Variants in CASQ2 observed in about 807,000 individuals in gnomAD.
CASQ2 encodes the protein calsequestrin 2, also known as calsequestrin-2.
CASQ2 carries 49 observed loss-of-function variants against 46.5 expected under a neutral mutation model. The ratio of observed to expected loss-of-function variants is 1.05; its 90% CI spans 0.84 to 1.34. The LOEUF is 1.34. Among genes scored for constraint, CASQ2 ranks in the 40% most tolerant of loss-of-function variants. The probability of loss-of-function intolerance (pLI) is 0.00; values close to 1 mark genes in which losing one functional copy is unlikely to be tolerated. For synonymous variants in CASQ2, 174 were observed against 168.5 expected (o/e 1.03, Z -0.25); for missense variants, 486 against 481.3 (o/e 1.01, Z -0.09).
intron 7 of CASQ2, among the ~76,000 whole-genome samples, chr1:115,720,653 C>A (rs1364702870): frequency 6.6e-6 from 1 of 152,164 alleles, no homozygotes; most frequent in Admixed American, 6.5e-5. Context: ...TGCAAGATTT[C>A]CCAAAGAACC....
intron 1 of CASQ2, among the ~76,000 whole-genome samples, chr1:115,748,274 C>A (rs1015410647): frequency 6.6e-6 from 1 of 152,280 alleles, no homozygotes; most frequent in South Asian, 2.1e-4. Context: ...GAATCTGTGT[C>A]TTCTCCTTCA....
At position 115,704,846 on chromosome 1, in the gene CASQ2, G is replaced by A. The variant is rs192670497; in HGVS notation, c.939+346C>T. ...TTAGTAATTCAGGTGGCCTCAGAACGATGGTCCCCACCCAGAAAATAAAAG... is the reference window on the plus strand; with the variant it reads ...TTAGTAATTCAGGTGGCCTCAGAACAATGGTCCCCACCCAGAAAATAAAAG... On this transcript the variant is annotated intron_variant, in intron 9 of 10. Coordinates refer to ENST00000261448, the MANE Select transcript of CASQ2 (RefSeq NM_001232.4). 2.3e-3 allele frequency among the ~76,000 whole-genome samples: 344 copies of A among 152,316 alleles called. 2 individuals are homozygous for A. Among genetic ancestry groups the A allele is most frequent in the Admixed American group, 4.6e-3 (71 of 15,298 alleles).
chr1:115,729,110 C>T (rs559030298), intron 5 of CASQ2, among the ~76,000 whole-genome samples: 1 of 131,444 alleles, frequency 7.6e-6, no homozygotes, highest in Non-Finnish European at 1.5e-5. Context: ...GGTTCAATGG[C>T]ACAGTCTCGG....
Position 115,721,157 on chromosome 1 carries a change from T to G in CASQ2, c.784-3263A>C, listed in dbSNP as rs576320171. Among the ~76,000 whole-genome samples the G allele has an allele frequency of 2.0e-5, 3 of 152,246 alleles. No individual in the cohort carries two copies. The East Asian group carries it at 5.8e-4, about 29-fold the overall frequency. ...GTCTCTGACCCCATCTTGAAAGTAT[T>G]TTGTTGTTGCAATATAGGGAGGCTT... is the stretch of plus-strand genomic sequence containing the variant. On this transcript the variant is annotated intron_variant, in intron 7 of 10. Transcript: ENST00000261448.
intron 7 of CASQ2, among the ~76,000 whole-genome samples, chr1:115,720,123 G>A (rs562567639): frequency 1.3e-5 from 2 of 152,162 alleles, no homozygotes; most frequent in South Asian, 4.1e-4. Context: ...AGCCAGTTCT[G>A]TCTGGCCCCA....
intron 9 of CASQ2, 47 bp downstream of exon 9, chr1:115,705,145 A>G (rs767419468): frequency 8.7e-7 from 1 of 1,155,840 alleles, no homozygotes; most frequent in South Asian, 1.2e-5. Flanking sequence ...CGCAATCATG[A>G]GGTTGTGACA....
At chr1:115,754,110 C>T (rs527682488) in intron 1 of CASQ2, among the ~76,000 whole-genome samples, 8 of 152,286 alleles carry the variant, frequency 5.3e-5, no homozygotes, top group Admixed American at 3.3e-4. Context: ...AGAGAGCCGA[C>T]GTTTCTCTCC....
intron 7 of CASQ2, among the ~76,000 whole-genome samples, chr1:115,721,272 C>A (rs10923266): frequency 1.1e-4 from 17 of 151,956 alleles, no homozygotes; most frequent in Middle Eastern, 3.2e-3. Flanking sequence ...GTGAGGTCTC[C>A]AGGGGGAATG....
At chr1:115,768,097 G>A (rs1157045806) in intron 1 of CASQ2, among the ~76,000 whole-genome samples, 1 of 152,134 alleles carries the variant, frequency 6.6e-6, no homozygotes. Flanking sequence ...AGCACGTTTG[G>A]TCCTCTTCAT....
chr1:115,717,874 G>T lies in CASQ2; in HGVS notation c.804C>A (p.Ile268=). The T allele has an allele frequency of 6.2e-7, 1 of 1,611,000 alleles. No homozygotes were observed. The highest frequency in any genetic ancestry group is 1.1e-5 in the South Asian group (1 of 91,000). The change falls in exon 8 of 11, where the codon ATC becomes ATA. Residue 268 remains isoleucine (I), a synonymous_variant. Coordinates refer to ENST00000261448, the MANE Select transcript of CASQ2 (RefSeq NM_001232.4). The part of the protein sequence containing the change: ...FETWEDDLNG[I]HIVAFAEKSD... ...TCTTCTCTGCAAAGGCCACAATGTG[G>T]ATCCCATTCAAATCATCTTCCTGTA...
rs78682868 is a variant in CASQ2, at chr1:115,707,431, C to G, written c.839-2139G>C. Among the ~76,000 whole-genome samples, 96 of 152,258 alleles carry G rather than the reference C, an allele frequency of 6.3e-4. 1 individual carries two copies. The East Asian group carries it at 0.013, about 21-fold the overall frequency. ...AACCATATTGCAAATGAGATTATGA[C>G]AAACACCGGAGACTGACAGGGCCCT... On this transcript the variant is annotated intron_variant, in intron 8 of 10. Coordinates refer to ENST00000261448, the MANE Select transcript of CASQ2 (RefSeq NM_001232.4).
chr1:115,734,696 T>C (rs1178707001), intron 4 of CASQ2, among the ~76,000 whole-genome samples: 1 of 152,166 alleles, frequency 6.6e-6, no homozygotes, highest in Non-Finnish European at 1.5e-5. Context: ...TCCTGAACAT[T>C]GAGTTCCCAG....
intron 9 of CASQ2, among the ~76,000 whole-genome samples, chr1:115,703,763 T>C (rs1654279212): frequency 6.6e-6 from 1 of 152,000 alleles, no homozygotes. Flanking sequence ...ATTTTAAAAA[T>C]TAGCTGGGCG....
At chr1:115,764,927 G>C (rs1029696776) in intron 1 of CASQ2, among the ~76,000 whole-genome samples, 8 of 152,186 alleles carry the variant, frequency 5.3e-5, no homozygotes, top group African/African-American at 1.9e-4. Context: ...TCTCCCAGAG[G>C]ACCTTGACTA....
At chr1:115,716,806 C>T (rs1009174874) in intron 8 of CASQ2, among the ~76,000 whole-genome samples, 3 of 152,164 alleles carry the variant, frequency 2.0e-5, no homozygotes, top group African/African-American at 7.2e-5. Flanking sequence ...ATAATGTAGC[C>T]CTTGTCACAA....
intron 1 of CASQ2, among the ~76,000 whole-genome samples, chr1:115,750,541 C>G (rs1201803371): frequency 6.6e-6 from 1 of 152,228 alleles, no homozygotes; most frequent in Non-Finnish European, 1.5e-5. Context: ...CTTGGTCTCA[C>G]TCCTTTGCCC....
chr1:115,714,736 A>C (rs537819146), intron 8 of CASQ2, among the ~76,000 whole-genome samples: 1 of 152,230 alleles, frequency 6.6e-6, no homozygotes, highest in African/African-American at 2.4e-5. Flanking sequence ...GGACTTTCAC[A>C]GACAAGTCTT....
At chr1:115,741,909 C>T (rs546853737) in intron 2 of CASQ2, among the ~76,000 whole-genome samples, 2 of 152,346 alleles carry the variant, frequency 1.3e-5, no homozygotes, top group South Asian at 2.1e-4. Flanking sequence ...TTCTGCAGAA[C>T]GTCCAGGGAC....
At chr1:115,711,236 G>A (rs569577763) in intron 8 of CASQ2, among the ~76,000 whole-genome samples, 2 of 152,318 alleles carry the variant, frequency 1.3e-5, no homozygotes, top group Non-Finnish European at 2.9e-5. Context: ...AGAGGCCTGA[G>A]CTTGGGAGGG....
Sources: gnomAD v4.1 joint callset for allele counts (sites outside exome capture counted in the v4.1 genomes callset) on GRCh38, gnomAD v4.1.1 for gene constraint, MANE v1.5 for transcripts, NCBI Gene and HGNC (gene_info 2026-07-23, HGNC 2026-07-21) for gene names.